RRP36: variants seen among roughly 807,000 people sequenced by gnomAD.
RRP36 encodes ribosomal RNA processing protein 36 homolog.
In RRP36, 44 loss-of-function variants were observed where a neutral mutation model predicts 39.8. The ratio of observed to expected loss-of-function variants is 1.10; its 90% confidence interval spans 0.87 to 1.42. The LOEUF is 1.42. Ranked by LOEUF, RRP36 falls within the 40% of genes most tolerant of loss-of-function variation. The probability of loss-of-function intolerance (pLI) is 0.00; values close to 1 mark genes in which losing one functional copy is unlikely to be tolerated. For missense variants in RRP36, 316 were observed against 322.4 expected, an observed-to-expected ratio of 0.98 and a Z score of 0.15; for synonymous variants, 124 against 123.1, an observed-to-expected ratio of 1.01 and a Z score of -0.05.
chr6:43,022,981 C>T (rs1762753987), intron 1 of RRP36, among the ~76,000 whole-genome samples: 1 of 151,904 alleles, frequency 6.6e-6, no homozygotes, highest in East Asian at 1.9e-4. Context: ...TTCCTGGGCT[C>T]AAGTGATCCA....
intron 6 of RRP36, among the ~76,000 whole-genome samples, chr6:43,028,523 C>G (rs1196759589): frequency 1.3e-5 from 2 of 151,792 alleles, no homozygotes; most frequent in East Asian, 3.9e-4. Context: ...TGCTGTGCAT[C>G]TGTAATCCCA....
chr6:43,026,028 T>C lies in RRP36; in HGVS notation c.346-9T>C. The C allele has an allele frequency of 6.3e-7, 1 of 1,599,732 alleles. No homozygotes were observed. The highest frequency in any genetic ancestry group is 1.7e-4 in the Middle Eastern group (1 of 6,022). ...GTTGTGTTTTATATTCTCTCTCTTCTCTCCAAAGGTAGCCCGGGACCCTCG... is the reference window on the plus strand; with the variant it reads ...GTTGTGTTTTATATTCTCTCTCTTCCCTCCAAAGGTAGCCCGGGACCCTCG... On this transcript the variant is annotated splice_polypyrimidine_tract_variant and intron_variant, in intron 3 of 6. Transcript: ENST00000244496.
chr6:43,027,016 A>G (rs1030837543), intron 4 of RRP36, 162 bp from the exon 5 acceptor site: 18 of 587,532 alleles, frequency 3.1e-5, no homozygotes, highest in East Asian at 2.2e-4. Context: ...CAGTGAGCCA[A>G]GATCACACCA....
Position 43,027,195 on chromosome 6 carries a change from G to C in RRP36, c.468G>C (p.Leu156Phe), listed in dbSNP as rs768928093. The C allele has an allele frequency of 6.2e-6, 10 of 1,614,020 alleles. 1 individual carries two copies. The South Asian group carries it at 1.1e-4, about 18-fold the overall frequency. ...ATGTGGAGCTTGTGAAAAAACAGTT[G>C]AAGAAGCACCTTTCAGGAGAGGAGC... ...AKEKELVKKQ[L>F]KKHLSGEEHE... Residue 156 changes from leucine (L) to phenylalanine (F), a missense_variant, in exon 5 of 7, where the codon TTG (leucine) becomes TTC (phenylalanine). Physicochemically the swap from Leu to Phe is conservative, Grantham distance 22. Coordinates refer to ENST00000244496, the MANE Select transcript of RRP36 (RefSeq NM_033112.4).
At chr6:43,025,997 T>G in intron 3 of RRP36, 40 bp from the exon 4 acceptor site, 1 of 1,450,878 alleles carries the variant, frequency 6.9e-7, no homozygotes, top group South Asian at 1.2e-5. Flanking sequence ...GAAAGGAGAT[T>G]GAACAGTTGT....
chr6:43,023,213 C>CATT (rs1762758158), intron 1 of RRP36, among the ~76,000 whole-genome samples: 1 of 151,892 alleles, frequency 6.6e-6, no homozygotes, highest in Non-Finnish European at 1.5e-5. Flanking sequence ...GCCTGGTAAA[C>CATT]ATAATGAGAC....
rs1035099991 is a variant in RRP36, at chr6:43,029,538, C to T, written c.*310C>T. ...GCCAATGAAAACCATGGAGTCTGTT[C>T]GTGACTCCCAGGGCTGGGACATTAT... On this transcript the variant is annotated 3_prime_UTR_variant, in exon 7 of 7. Transcript: ENST00000244496. 4.1e-5 allele frequency: 11 copies of T among 269,322 alleles called. No homozygotes were observed. Among genetic ancestry groups the T allele is most frequent in the African/African-American group, 1.5e-4 (7 of 45,776 alleles). 16.7% of individuals were successfully genotyped at this position (269,322 alleles called of 1,614,324 possible).
In RRP36 at chr6:43,027,828, T is replaced by TACAC. The variant is rs143577260; in HGVS notation, c.643+367_643+370dup. Reference sequence around the variant, plus strand: ...ACAGAGTCAGTTTTATCTCTTGGTCTACACACACACACACACACAATCAGT... The same window carrying TACAC: ...ACAGAGTCAGTTTTATCTCTTGGTCTACACACACACACACACACACACAATCAGT... On this transcript the variant is annotated intron_variant, in intron 6 of 6. Transcript: ENST00000244496. Among the ~76,000 whole-genome samples the TACAC allele has an allele frequency of 5.2e-3, 725 of 139,252 alleles. 8 individuals carry two copies. The highest frequency in any genetic ancestry group is 0.019 in the African/African-American group (686 of 36,852). The allele number at this position is 139,252 out of a possible 152,430, so 91.4% of individuals were successfully genotyped here.
intron 4 of RRP36, among the ~76,000 whole-genome samples, chr6:43,026,866 C>A (rs1762820130): frequency 6.6e-6 from 1 of 151,450 alleles, no homozygotes; most frequent in South Asian, 2.1e-4. Context: ...AGATCAAGAT[C>A]ATCCTGGCCA....
intron 4 of RRP36, among the ~76,000 whole-genome samples, chr6:43,026,681 G>A (rs1251772653): frequency 6.7e-6 from 1 of 149,376 alleles, no homozygotes; most frequent in Non-Finnish European, 1.5e-5. Flanking sequence ...CAAACAAACA[G>A]TTACTGTCTT....
intron 3 of RRP36, 109 bp from the exon 4 acceptor site, chr6:43,025,928 G>C (rs1762806090): frequency 8.1e-6 from 6 of 739,494 alleles, no homozygotes; most frequent in Non-Finnish European, 2.2e-6. Context: ...GCGAGACTGT[G>C]TCTCAAAAAG....
In RRP36 at chr6:43,028,647, CAA is replaced by C. The variant is rs373505678; in HGVS notation, c.644-435_644-434del. Among the ~76,000 whole-genome samples the C allele has an allele frequency of 2.4e-5, 3 of 126,914 alleles. No individual in the cohort carries two copies. In the Admixed American group the frequency reaches 2.4e-4, roughly 10 times the overall value. The allele number at this position is 126,914 out of a possible 152,430, so 83.3% of individuals were successfully genotyped here. ...TGGGTGACAGAGTGAGACTCCATCT[CAA>C]AAAAAAAAAGTCACCCGTTGGCCAG... On this transcript the variant is annotated intron_variant, in intron 6 of 6. Coordinates refer to ENST00000244496, the MANE Select transcript of RRP36 (RefSeq NM_033112.4).
intron 1 of RRP36, among the ~76,000 whole-genome samples, chr6:43,022,111 AT>A (rs904940776): frequency 2.1e-4 from 31 of 147,620 alleles, no homozygotes; most frequent in Middle Eastern, 3.5e-3. Flanking sequence ...TGTTTTTTTA[AT>A]TTTTTTTTTT....
At chr6:43,023,154 A>AGG (rs1477040030) in intron 1 of RRP36, among the ~76,000 whole-genome samples, 1 of 152,042 alleles carries the variant, frequency 6.6e-6, no homozygotes, top group Admixed American at 6.6e-5. Flanking sequence ...TCCCAGCACC[A>AGG]GGGGAGACTG....
rs779762073 is a variant in RRP36 at position 43,026,128 on chromosome 6, C to T, written c.437C>T (p.Ala146Val). The change falls in exon 4 of 7, where the codon GCG (alanine) becomes GTG (valine). Residue 146 changes from alanine to valine, a missense_variant. Ala to Val is a moderately conservative substitution (Grantham distance 64, BLOSUM62 0). Transcript: ENST00000244496. ...TACCAATTCTTGAATGACATCCGAG[C>T]GAAAGAGAAAGAGGTATACAGCTTG... ...KTYQFLNDIR[A>V]KEKELVKKQL... The T allele has an allele frequency of 1.6e-5, 26 of 1,611,934 alleles. No homozygotes were observed. The Middle Eastern group carries it at 4.9e-4, about 31-fold the overall frequency.
At chr6:43,022,014 C>G (rs935567463) in intron 1 of RRP36, among the ~76,000 whole-genome samples, 1 of 152,078 alleles carries the variant, frequency 6.6e-6, no homozygotes, top group African/African-American at 2.4e-5. Flanking sequence ...CGATGGGGAA[C>G]GTATGTGCAA....
chr6:43,029,517 A>C lies in RRP36; in HGVS notation c.*289A>C. On this transcript the variant is annotated 3_prime_UTR_variant, in exon 7 of 7. Transcript: ENST00000244496. ...TTCTGATACCGAAGAAGAGGGGCCA[A>C]TGAAAACCATGGAGTCTGTTCGTGA... The C allele has an allele frequency of 3.3e-6, 1 of 304,172 alleles. No individual in the cohort carries two copies. The highest frequency in any genetic ancestry group is 6.1e-6 in the Non-Finnish European group (1 of 165,100). 18.8% of individuals were successfully genotyped at this position (304,172 alleles called of 1,614,324 possible).
At chr6:43,024,340 G>A (rs1364219919) in intron 1 of RRP36, among the ~76,000 whole-genome samples, 1 of 152,186 alleles carries the variant, frequency 6.6e-6, no homozygotes, top group Non-Finnish European at 1.5e-5. Context: ...ATTGAGAGGA[G>A]TGAGAAGGAG....
At position 43,026,108 on chromosome 6, in the gene RRP36, A is replaced by G. The variant is rs763088580; in HGVS notation, c.417A>G (p.Gln139=). 3.7e-6 allele frequency: 6 copies of G among 1,613,774 alleles called. No homozygotes were observed. The highest frequency in any genetic ancestry group is 3.4e-6 in the Non-Finnish European group (4 of 1,179,814). Residue 139 remains glutamine (Q), a synonymous_variant, in exon 4 of 7, where the codon CAA becomes CAG. Transcript: ENST00000244496. ...YNPEVFDKTY[Q]FLNDIRAKEK... Reference sequence around the variant, plus strand: ...CTGAGGTGTTTGACAAAACATACCAATTCTTGAATGACATCCGAGCGAAAG... The same window carrying G: ...CTGAGGTGTTTGACAAAACATACCAGTTCTTGAATGACATCCGAGCGAAAG...
Sources: allele counts gnomAD v4.1 joint callset (sites outside exome capture counted in the v4.1 genomes callset), GRCh38; gene constraint gnomAD v4.1.1; transcripts MANE v1.5; gene names NCBI Gene and HGNC (gene_info 2026-07-23, HGNC 2026-07-21).